The following NBEAL1 variants were observed in gnomAD, a reference collection of about 807,000 sequenced individuals.
NBEAL1 encodes neurobeachin-like protein 1.
Under a neutral mutation model 351.3 loss-of-function variants are expected in NBEAL1, and 273 were observed. That is an observed-to-expected ratio of 0.78 (90% CI 0.70 to 0.86). NBEAL1 has a LOEUF of 0.86. Among genes scored for constraint, NBEAL1 ranks in the 40% least tolerant of loss-of-function variants. NBEAL1 has a pLI of 0.00. For synonymous variants in NBEAL1, 1,050 were observed against 1,086.4 expected (o/e 0.97, Z 0.66); for missense variants, 2,961 against 3,201.3 (o/e 0.92, Z 1.81).
intron 31 of NBEAL1, 90 bp from the exon 32 acceptor site, chr2:203,144,510 A>T: frequency 8.0e-7 from 1 of 1,256,116 alleles, no homozygotes; most frequent in Admixed American, 2.4e-5. Flanking sequence ...TTATGTAAAA[A>T]TTCTGAATCC....
intron 3 of NBEAL1, among the ~76,000 whole-genome samples, chr2:203,046,244 C>T (rs889547257): frequency 1.3e-5 from 2 of 151,574 alleles, no homozygotes; most frequent in Non-Finnish European, 2.9e-5. Flanking sequence ...GAGACAGAGT[C>T]TCACTCTGTT....
intron 18 of NBEAL1, among the ~76,000 whole-genome samples, chr2:203,119,878 T>C (rs1232306628): frequency 1.3e-5 from 2 of 152,220 alleles, no homozygotes; most frequent in African/African-American, 4.8e-5. Flanking sequence ...TGTTAACAAA[T>C]GCTAGTTTGG....
At position 203,187,374 on chromosome 2, in the gene NBEAL1, T is replaced by TTG. The variant is rs1393771615; in HGVS notation, c.6706-1097_6706-1096insGT. On this transcript the variant is annotated intron_variant, in intron 44 of 55. Transcript: ENST00000683969. The stretch of plus-strand genomic sequence containing the variant: ...TGCCTGGCTCTTGCAATGGTTTTTT[T>TTG]TTTTTTTTTTTTTTGAATCCAGCAA... Among the ~76,000 whole-genome samples, 32 of 150,160 alleles carry TTG rather than the reference T, an allele frequency of 2.1e-4. 1 individual carries two copies. Among genetic ancestry groups the TTG allele is most frequent in the Non-Finnish European group, 4.3e-4 (29 of 67,512 alleles).
chr2:203,137,990 CAAA>C (rs112429768), intron 29 of NBEAL1, among the ~76,000 whole-genome samples, 169 bp from the exon 30 acceptor site: 1 of 143,656 alleles, frequency 7.0e-6, no homozygotes. Context: ...CACTCCGTCT[CAAA>C]AAAAAAAAAA....
chr2:203,050,243 A>G (rs1305851932), intron 4 of NBEAL1: 2 of 219,638 alleles, frequency 9.1e-6, no homozygotes, highest in Admixed American at 5.7e-5. Flanking sequence ...ATAAAAAAGA[A>G]AAAAAGAAAA....
At chr2:203,153,200 A>G (rs2063707137) in intron 35 of NBEAL1, among the ~76,000 whole-genome samples, 1 of 152,014 alleles carries the variant, frequency 6.6e-6, no homozygotes, top group East Asian at 1.9e-4. Flanking sequence ...AGGCTTGAAC[A>G]TGGCTCACTG....
intron 10 of NBEAL1, among the ~76,000 whole-genome samples, chr2:203,087,247 C>T (rs908572925): frequency 7.2e-5 from 11 of 151,896 alleles, no homozygotes; most frequent in South Asian, 2.1e-4. Flanking sequence ...CACCCGCCAC[C>T]GTGCCCGGCT....
At chr2:203,103,472 A>G (rs1027048907) in intron 12 of NBEAL1, among the ~76,000 whole-genome samples, 5 of 152,082 alleles carry the variant, frequency 3.3e-5, no homozygotes, top group African/African-American at 7.2e-5. Context: ...TGGTTTCACC[A>G]TGTTGGCCAG....
At chr2:203,125,873 G>T (rs1296968693) in intron 20 of NBEAL1, 87 bp from the exon 21 acceptor site, 1 of 1,122,406 alleles carries the variant, frequency 8.9e-7, no homozygotes, top group Non-Finnish European at 1.2e-6. Context: ...TTTCTACTTT[G>T]TGTAACAGTG....
intron 35 of NBEAL1, among the ~76,000 whole-genome samples, chr2:203,157,040 A>G (rs549083730): frequency 6.6e-6 from 1 of 152,316 alleles, no homozygotes; most frequent in East Asian, 1.9e-4. Context: ...TCCATTTTAC[A>G]ATTTAGAAAA....
In NBEAL1 at chr2:203,067,025, G is replaced by A. The variant is rs528641342; in HGVS notation, c.516-1368G>A. 3.2e-3 allele frequency among the ~76,000 whole-genome samples: 404 copies of A among 127,638 alleles called. 2 individuals are homozygous for A. Among genetic ancestry groups the A allele is most frequent in the African/African-American group, 0.011 (359 of 32,702 alleles). The allele number at this position is 127,638 out of a possible 152,430, so 83.7% of individuals were successfully genotyped here. On this transcript the variant is annotated intron_variant, in intron 6 of 55. Coordinates refer to ENST00000683969, the MANE Select transcript of NBEAL1 (RefSeq NM_001378026.1). ...CCAGACGGGGCGGCCGGGCAGAGACGCCCCTCACCTCCCAGAAGGGGCGGC... is the reference window on the plus strand; with the variant it reads ...CCAGACGGGGCGGCCGGGCAGAGACACCCCTCACCTCCCAGAAGGGGCGGC...
chr2:203,071,533 G>GC (rs1228991843), intron 7 of NBEAL1, among the ~76,000 whole-genome samples: 1 of 151,852 alleles, frequency 6.6e-6, no homozygotes, highest in East Asian at 1.9e-4. Context: ...CTCTGTCCTT[G>GC]CCCCCCCATT....
chr2:203,056,924 T>C (rs1426506510), intron 5 of NBEAL1, among the ~76,000 whole-genome samples: 3 of 152,202 alleles, frequency 2.0e-5, no homozygotes, highest in Non-Finnish European at 4.4e-5. Flanking sequence ...GAGGTAATAA[T>C]TGAGAAGAGA....
In NBEAL1 at chr2:203,222,960, T is replaced by G. The variant is rs988137559; in HGVS notation, c.*5606T>G. Among the ~76,000 whole-genome samples the G allele has an allele frequency of 1.4e-4, 21 of 152,336 alleles. 1 individual carries two copies. The highest frequency in any genetic ancestry group is 5.1e-4 in the African/African-American group (21 of 41,582). ...AAATAGGAAATAATTCAGTTTTCTG[T>G]GTTAAGAAATGTAAGGCCATCCTAG... On this transcript the variant is annotated 3_prime_UTR_variant, in exon 56 of 56. Transcript: ENST00000683969.
chr2:203,127,901 T>C lies in NBEAL1; in HGVS notation c.3369T>C (p.Ile1123=). ...KGGSHEEIQS[I]MGYIAATNEE... ...GATCTCATGAAGAGATACAAAGTAT[T>C]ATGGGGTACATAGCTGCTACTAATG... The change falls in exon 24 of 56, where the codon ATT becomes ATC. Residue 1123 remains isoleucine, a synonymous_variant. Transcript: ENST00000683969. 1.3e-6 allele frequency: 2 copies of C among 1,552,304 alleles called. No individual in the cohort carries two copies. The highest frequency in any genetic ancestry group is 1.7e-6 in the Non-Finnish European group (2 of 1,146,330).
chr2:203,119,424 C>CTTTGTTTTTTTTTTTT (rs2062776384), intron 18 of NBEAL1, among the ~76,000 whole-genome samples: 2 of 66,656 alleles, frequency 3.0e-5, no homozygotes, highest in Non-Finnish European at 5.3e-5. Context: ...CGGCCTGTTG[C>CTTTGTTTTTTTTTTTT]TTTTTTTTTT....
At chr2:203,076,015 G>T (rs575831162) in intron 7 of NBEAL1, among the ~76,000 whole-genome samples, 2 of 152,288 alleles carry the variant, frequency 1.3e-5, no homozygotes, top group Admixed American at 6.5e-5. Flanking sequence ...TTACAGTCTT[G>T]TCCCAGTGTG....
rs1318906692 is a variant in NBEAL1, at chr2:203,145,060, A to T, written c.5204A>T (p.His1735Leu). The change falls in exon 33 of 56, where the codon CAT becomes CTT. Residue 1735 changes from histidine to leucine, a missense_variant. His to Leu is a moderately conservative substitution (Grantham distance 99). Coordinates refer to ENST00000683969, the MANE Select transcript of NBEAL1 (RefSeq NM_001378026.1). ...QYEAHTFYDG[H>L]ENMALYWKDC... ...GAAGCTCATACATTTTACGATGGTC[A>T]TGAGAACATGGCACTTTATTGGAAG... 6.2e-7 allele frequency: 1 copy of T among 1,612,618 alleles called. No homozygotes were observed.
intron 10 of NBEAL1, among the ~76,000 whole-genome samples, chr2:203,093,434 T>C (rs2062110325): frequency 6.6e-6 from 1 of 152,184 alleles, no homozygotes; most frequent in Admixed American, 6.5e-5. Flanking sequence ...TAATATTTGT[T>C]CTTTATAGGC....
Sources: gnomAD v4.1 joint callset for allele counts (sites outside exome capture counted in the v4.1 genomes callset) on GRCh38, gnomAD v4.1.1 for gene constraint, MANE v1.5 for transcripts, NCBI Gene and HGNC (gene_info 2026-07-23, HGNC 2026-07-21) for gene names.